UNC119B: variants seen among roughly 807,000 people sequenced by gnomAD.
UNC119B encodes protein unc-119 homolog B.
A neutral mutation model predicts 23.4 loss-of-function variants in UNC119B; 16 were observed. The ratio of observed to expected loss-of-function variants is 0.68; its 90% CI spans 0.46 to 1.04. The LOEUF is 1.04. Among genes scored for constraint, UNC119B ranks in the 50% least tolerant of loss-of-function variants. The pLI, the probability that UNC119B is intolerant of heterozygous loss-of-function variation, is 0.00. For missense variants in UNC119B, 350 were observed against 361.3 expected, an observed-to-expected ratio of 0.97 and a Z score of 0.25; for synonymous variants, 144 against 145.4, an observed-to-expected ratio of 0.99 and a Z score of 0.07.
rs1368702666 is a variant in UNC119B at position 120,721,922 on chromosome 12, A to G, written c.*1890A>G. 6.6e-6 allele frequency: 1 copy of G among 152,634 alleles called. No individual in the cohort carries two copies. The highest frequency in any genetic ancestry group is 1.5e-5 in the Non-Finnish European group (1 of 68,054). 9.5% of individuals were successfully genotyped at this position (152,634 alleles called of 1,614,324 possible). Reference sequence around the variant, plus strand: ...ACTGTCTCCTCACCTTCTGTTTCTCATTGTGGCTCCTCAAATGGGATTTGC... The same window carrying G: ...ACTGTCTCCTCACCTTCTGTTTCTCGTTGTGGCTCCTCAAATGGGATTTGC... On this transcript the variant is annotated 3_prime_UTR_variant, in exon 5 of 5. Transcript: ENST00000344651.
At chr12:120,711,175 C>T (rs977767301) in intron 1 of UNC119B, 3 of 153,576 alleles carry the variant, frequency 2.0e-5, no homozygotes, top group Non-Finnish European at 2.9e-5. Flanking sequence ...TTCCTCCGCC[C>T]TGGCCCCATG....
intron 1 of UNC119B, among the ~76,000 whole-genome samples, chr12:120,711,975 GA>G (rs1882681406): frequency 6.6e-6 from 1 of 152,222 alleles, no homozygotes; most frequent in South Asian, 2.1e-4. Context: ...GAAACAGTGT[GA>G]AAAAGCTTCT....
intron 1 of UNC119B, among the ~76,000 whole-genome samples, chr12:120,712,427 C>T (rs919466300): frequency 8.5e-5 from 13 of 152,118 alleles, no homozygotes; most frequent in Non-Finnish European, 1.6e-4. Context: ...AGATGCTATC[C>T]GGAATCATCC....
chr12:120,715,793 A>G (rs1297675978), intron 2 of UNC119B, among the ~76,000 whole-genome samples: 2 of 152,080 alleles, frequency 1.3e-5, no homozygotes, highest in African/African-American at 2.4e-5. Context: ...TCGGCCTCCA[A>G]AAGTGCTGGG....
At position 120,722,332 on chromosome 12, in the gene UNC119B, CTG is replaced by C. The variant is rs1692253239; in HGVS notation, c.*2301_*2302del. 1 of 152,514 alleles carries C rather than the reference CTG, an allele frequency of 6.6e-6. No individual in the cohort carries two copies. The highest frequency in any genetic ancestry group is 2.4e-5 in the African/African-American group (1 of 41,450). The allele number at this position is 152,514 out of a possible 1,614,324, so 9.4% of individuals were successfully genotyped here. On this transcript the variant is annotated 3_prime_UTR_variant, in exon 5 of 5. Transcript: ENST00000344651. ...CTTCTGAAAGTCTGGTGTTCTGTAT[CTG>C]GGGCTGTGGGTTCCTGTGTCTAGCT...
In UNC119B at chr12:120,718,916, C is replaced by G. The variant is rs536279941; in HGVS notation, c.644-1004C>G. 8.9e-4 allele frequency among the ~76,000 whole-genome samples: 135 copies of G among 152,330 alleles called. 1 individual carries two copies. Among genetic ancestry groups the G allele is most frequent in the African/African-American group, 3.0e-3 (124 of 41,586 alleles). The stretch of plus-strand genomic sequence containing the variant: ...AGGGTGTTGACGACAGCATCTGGTT[C>G]TGACTTGAACCCCTCTTCCCAAGCT... On this transcript the variant is annotated intron_variant, in intron 4 of 4. Transcript: ENST00000344651.
In UNC119B at chr12:120,719,921, T is replaced by G; in HGVS notation, c.645T>G (p.Ile215Met). The G allele has an allele frequency of 6.2e-7, 1 of 1,612,618 alleles. No individual in the cohort carries two copies. The highest frequency in any genetic ancestry group is 1.1e-5 in the South Asian group (1 of 91,036). Residue 215 changes from isoleucine (I) to methionine (M), a missense_variant and splice_region_variant, in exon 5 of 5, where the codon ATT becomes ATG. Transcript: ENST00000344651. The stretch of plus-strand genomic sequence containing the variant: ...CTTCCCCCTTTGCCTGACTTGCAGT[T>G]CGTCTAATGATTGAAAATCCTTACG... ...YEFPQLSEDV[I>M]RLMIENPYET...
At chr12:120,716,832 A>T (rs781689961) in intron 3 of UNC119B, 38 bp from the exon 4 acceptor site, 15 of 1,605,166 alleles carry the variant, frequency 9.3e-6, no homozygotes, top group Non-Finnish European at 1.3e-5. Flanking sequence ...TAGAGGAGGG[A>T]GGAGGCAAAG....
intron 1 of UNC119B, chr12:120,711,181 C>A: frequency 6.5e-6 from 1 of 153,530 alleles, no homozygotes. Context: ...CGCCCTGGCC[C>A]CATGGCAGCC....
Position 120,717,674 on chromosome 12 carries a change from T to G in UNC119B, c.643+632T>G, listed in dbSNP as rs186567331. Among the ~76,000 whole-genome samples the G allele has an allele frequency of 1.3e-4, 20 of 150,288 alleles. No homozygotes were observed. In the East Asian group the frequency reaches 4.0e-3, roughly 30 times the overall value. ...GTCTCCTGGGTTCAAGTGATTCTCC[T>G]GCCTCAGCCTCTCGAGTAGCTGGGA... On this transcript the variant is annotated intron_variant, in intron 4 of 4. Transcript: ENST00000344651.
chr12:120,715,521 C>CTTTTTTTT lies in UNC119B; in HGVS notation c.359-1085_359-1078dup, dbSNP rs55906857. Among the ~76,000 whole-genome samples, 67 of 71,514 alleles carry CTTTTTTTT rather than the reference C, an allele frequency of 9.4e-4. 5 individuals carry two copies. Among genetic ancestry groups the CTTTTTTTT allele is most frequent in the East Asian group, 6.3e-3 (11 of 1,756 alleles). 46.9% of individuals were successfully genotyped at this position (71,514 alleles called of 152,430 possible). A position where few individuals can be genotyped will look rare whatever the true frequency, so the allele number is the denominator to read the frequency against. On this transcript the variant is annotated intron_variant, in intron 2 of 4. Coordinates refer to ENST00000344651, the MANE Select transcript of UNC119B (RefSeq NM_001080533.3). Reference sequence around the variant, plus strand: ...ACATTAGAATGCTTGTTCTCTGATTCTTTTTTTTTTTTTTTTTTTTTTTTT... The same window carrying CTTTTTTTT: ...ACATTAGAATGCTTGTTCTCTGATTCTTTTTTTTTTTTTTTTTTTTTTTTTTTTTTTTT...
intron 2 of UNC119B, among the ~76,000 whole-genome samples, chr12:120,715,880 C>T (rs1882770535): frequency 6.6e-6 from 1 of 152,182 alleles, no homozygotes; most frequent in Non-Finnish European, 1.5e-5. Flanking sequence ...CAGGAATGGA[C>T]TAGACCGGAG....
intron 4 of UNC119B, 109 bp downstream of exon 4, chr12:120,717,151 C>A: frequency 9.1e-7 from 1 of 1,104,018 alleles, no homozygotes; most frequent in Non-Finnish European, 1.3e-6. Context: ...GCAGTGCTGA[C>A]ATGATGCGTA....
chr12:120,714,260 C>G (rs937293142), intron 2 of UNC119B, among the ~76,000 whole-genome samples: 5 of 152,104 alleles, frequency 3.3e-5, no homozygotes, highest in Non-Finnish European at 5.9e-5. Context: ...TCATACTGAC[C>G]AAGGCACCTA....
rs775267342 is a variant in UNC119B at position 120,716,983 on chromosome 12, C to T, written c.584C>T (p.Pro195Leu). The change falls in exon 4 of 5, where the codon CCC (proline) becomes CTC (leucine). Residue 195 changes from proline (P) to leucine (L), a missense_variant. Physicochemically the swap from Pro to Leu is moderately conservative, Grantham distance 98. Coordinates refer to ENST00000344651, the MANE Select transcript of UNC119B (RefSeq NM_001080533.3). Reference protein sequence around the residue: ...NFDFDFGFCIPSSRNTCEHIY... With the variant: ...NFDFDFGFCILSSRNTCEHIY... ...GACTTTGATTTTGGCTTCTGCATCC[C>T]CAGCAGTAGGAACACTTGTGAACAT... 10 of 1,613,346 alleles carry T rather than the reference C, an allele frequency of 6.2e-6. No individual in the cohort carries two copies. Among genetic ancestry groups the T allele is most frequent in the South Asian group, 1.1e-5 (1 of 90,976 alleles).
chr12:120,715,483 C>G (rs904211033), intron 2 of UNC119B, among the ~76,000 whole-genome samples: 1 of 141,806 alleles, frequency 7.1e-6, no homozygotes. Flanking sequence ...CTGGAGGGTA[C>G]TAACTCCTAT....
At position 120,719,905 on chromosome 12, in the gene UNC119B, T is replaced by G. The variant is rs370562301; in HGVS notation, c.644-15T>G. 52 of 1,594,820 alleles carry G rather than the reference T, an allele frequency of 3.3e-5. No individual in the cohort carries two copies. Among genetic ancestry groups the G allele is most frequent in the Non-Finnish European group, 4.3e-5 (50 of 1,162,622 alleles). ...AATTCTTTGCTTTTTTCTTCCCCCT[T>G]TGCCTGACTTGCAGTTCGTCTAATG... On this transcript the variant is annotated splice_polypyrimidine_tract_variant and intron_variant, in intron 4 of 4. Transcript: ENST00000344651.
intron 2 of UNC119B, among the ~76,000 whole-genome samples, chr12:120,714,906 G>A (rs1009919652): frequency 6.6e-6 from 1 of 152,258 alleles, no homozygotes; most frequent in Middle Eastern, 3.4e-3. Context: ...CCCACATTGA[G>A]GCTGGGTGCG....
rs763775732 is a variant in UNC119B at position 120,716,997 on chromosome 12, A to G, written c.598A>G (p.Thr200Ala). 3 of 1,611,826 alleles carry G rather than the reference A, an allele frequency of 1.9e-6. No homozygotes were observed. Among genetic ancestry groups the G allele is most frequent in the South Asian group, 2.2e-5 (2 of 90,762 alleles). ...CTTCTGCATCCCCAGCAGTAGGAAC[A>G]CTTGTGAACATATCTATGAGTTTCC... ...FGFCIPSSRN[T>A]CEHIYEFPQL... Residue 200 changes from threonine (T) to alanine (A), a missense_variant, in exon 4 of 5, where the codon ACT becomes GCT. Physicochemically the swap from Thr to Ala is moderately conservative, Grantham distance 58. Coordinates refer to ENST00000344651, the MANE Select transcript of UNC119B (RefSeq NM_001080533.3).
Sources: gnomAD v4.1 joint callset for allele counts (sites outside exome capture counted in the v4.1 genomes callset) on GRCh38, gnomAD v4.1.1 for gene constraint, MANE v1.5 for transcripts, NCBI Gene and HGNC (gene_info 2026-07-23, HGNC 2026-07-21) for gene names.